The following TET2 variants were observed in gnomAD, a reference collection of about 807,000 sequenced individuals.
TET2 encodes methylcytosine dioxygenase TET2.
Under a neutral mutation model 142.9 loss-of-function variants are expected in TET2, and 299 were observed. The ratio of observed to expected loss-of-function variants is 2.09; its 90% CI spans 1.90 to 2.30. The LOEUF (loss-of-function observed/expected upper bound fraction) is 2.30. Ranked by LOEUF, TET2 falls within the 30% of genes most tolerant of loss-of-function variation. The pLI, the probability that TET2 is intolerant of heterozygous loss-of-function variation, is 0.00. For missense variants in TET2, 2,418 were observed against 2,378.0 expected (o/e 1.02, Z -0.35); for synonymous variants, 819 against 849.0 (o/e 0.96, Z 0.61).
Position 105,243,743 on chromosome 4 carries a change from C to A in TET2, c.3768C>A (p.Gly1256=). The A allele has an allele frequency of 6.4e-7, 1 of 1,551,530 alleles. No homozygotes were observed. Among genetic ancestry groups the A allele is most frequent in the Non-Finnish European group, 8.7e-7 (1 of 1,146,936 alleles). Residue 1256 remains glycine (G), a synonymous_variant, in exon 6 of 11, where the codon GGC becomes GGA. Coordinates refer to ENST00000380013, the MANE Select transcript of TET2 (RefSeq NM_001127208.3). ...SELTETLRKY[G]TLTNRRCALN... ...TTACCGAGACGCTGAGGAAATACGG[C>A]ACGCTCACCAATCGCCGGTGTGCCT...
rs751730951 is a variant in TET2, at chr4:105,276,979, A to G, written c.*460A>G. On this transcript the variant is annotated 3_prime_UTR_variant, in exon 11 of 11. Transcript: ENST00000380013. ...TAAAATACCATCTGGTGCTGAATAT[A>G]TGATGTACTGAAATACTGGAATTAT... The G allele has an allele frequency of 9.4e-5, 22 of 235,122 alleles. No individual in the cohort carries two copies. Among genetic ancestry groups the G allele is most frequent in the Non-Finnish European group, 1.6e-4 (19 of 119,618 alleles). The allele number at this position is 235,122 out of a possible 1,614,324, so 14.6% of individuals were successfully genotyped here. A position where few individuals can be genotyped will look rare whatever the true frequency, so the allele number is the denominator to read the frequency against.
intron 2 of TET2, among the ~76,000 whole-genome samples, chr4:105,201,634 A>T (rs1319232567): frequency 2.0e-5 from 3 of 151,580 alleles, no homozygotes. Context: ...TACTAAGCAA[A>T]GTATAAAGTA....
In TET2 at chr4:105,236,438, TTC is replaced by T; in HGVS notation, c.2498_2499del (p.Ser833LeufsTer12). ...AATCAAGTGCATGCAAAATACAGGT[TTC>T]TTGTTCAAACAATACACACCTAGTT... ...MKSSACKIQV[S>X]CSNNTHLVSE... On this transcript the variant is annotated frameshift_variant, in exon 3 of 11. Transcript: ENST00000380013. LOFTEE classifies it high-confidence loss of function. The T allele has an allele frequency of 6.2e-7, 1 of 1,614,090 alleles. No individual in the cohort carries two copies. The highest frequency in any genetic ancestry group is 8.5e-7 in the Non-Finnish European group (1 of 1,180,004).
chr4:105,151,643 T>C (rs756136719), intron 1 of TET2, among the ~76,000 whole-genome samples: 3 of 152,016 alleles, frequency 2.0e-5, no homozygotes, highest in Non-Finnish European at 4.4e-5. Context: ...TAGACCAGCC[T>C]GGGCAACATA....
chr4:105,231,290 A>T (rs1270865845), intron 2 of TET2, among the ~76,000 whole-genome samples: 2 of 152,182 alleles, frequency 1.3e-5, no homozygotes, highest in Non-Finnish European at 2.9e-5. Flanking sequence ...GTAAGAGTAT[A>T]TTAAGTGAAT....
At chr4:105,260,319 T>C (rs1460308899) in intron 7 of TET2, among the ~76,000 whole-genome samples, 5 of 152,280 alleles carry the variant, frequency 3.3e-5, no homozygotes. Context: ...TTCTTATAAT[T>C]TGCAAATTGA....
At chr4:105,192,020 C>G (rs1008093764) in intron 2 of TET2, among the ~76,000 whole-genome samples, 3 of 152,082 alleles carry the variant, frequency 2.0e-5, no homozygotes, top group Non-Finnish European at 4.4e-5. Flanking sequence ...TTACCTCACT[C>G]TGTGAGAACT....
Position 105,276,431 on chromosome 4 carries a change from G to A in TET2, c.5921G>A (p.Arg1974Lys), listed in dbSNP as rs1406914931. The A allele has an allele frequency of 1.3e-6, 2 of 1,551,786 alleles. No homozygotes were observed. The highest frequency in any genetic ancestry group is 2.7e-5 in the African/African-American group (2 of 73,022). The change falls in exon 11 of 11, where the codon AGG becomes AAG. Residue 1974 changes from arginine (R) to lysine (K), a missense_variant. Physicochemically the swap from Arg to Lys is conservative, Grantham distance 26 (BLOSUM62 2). Coordinates refer to ENST00000380013, the MANE Select transcript of TET2 (RefSeq NM_001127208.3). ...CGTTTCATCAAGTCTCTTGCCGAAA[G>A]GACCATGTCCGTGACCACAGACTCC... ...YLRFIKSLAE[R>K]TMSVTTDSTV...
rs1287353105 is a variant in TET2, at chr4:105,236,849, A to G, written c.2907A>G (p.Gln969=). ...KQEQQQTQQP[Q]TESCHSQMHR... is the part of the protein sequence containing the mutation. Reference sequence around the variant, plus strand: ...AACAGCAGCAAACACAGCAACCCCAAACTGAGTCTTGCCATAGTCAGATGC... The same window carrying G: ...AACAGCAGCAAACACAGCAACCCCAGACTGAGTCTTGCCATAGTCAGATGC... Residue 969 remains glutamine, a synonymous_variant, in exon 3 of 11, where the codon CAA becomes CAG. Transcript: ENST00000380013. 2 of 1,614,128 alleles carry G rather than the reference A, an allele frequency of 1.2e-6. No individual in the cohort carries two copies. The highest frequency in any genetic ancestry group is 4.5e-5 in the East Asian group (2 of 44,886).
chr4:105,242,336 A>G, intron 4 of TET2: 2 of 1,078,014 alleles, frequency 1.9e-6, no homozygotes, highest in Non-Finnish European at 2.3e-6. Flanking sequence ...AAGGGAAGAT[A>G]TAGTCTATTT....
intron 2 of TET2, among the ~76,000 whole-genome samples, chr4:105,233,633 C>T (rs1000961771): frequency 1.3e-5 from 2 of 152,148 alleles, no homozygotes; most frequent in African/African-American, 4.8e-5. Flanking sequence ...AGAGTATGAA[C>T]TTCCCACATT....
intron 1 of TET2, among the ~76,000 whole-genome samples, chr4:105,188,014 C>G (rs1578583889): frequency 6.6e-6 from 1 of 152,192 alleles, no homozygotes; most frequent in African/African-American, 2.4e-5. Context: ...GGATTCCACT[C>G]TCAAGAGAAT....
chr4:105,193,065 A>G (rs1454644933), intron 2 of TET2, among the ~76,000 whole-genome samples: 1 of 152,202 alleles, frequency 6.6e-6, no homozygotes, highest in Non-Finnish European at 1.5e-5. Context: ...ACACTTAAGT[A>G]AGTGATATGG....
intron 5 of TET2, among the ~76,000 whole-genome samples, 176 bp from the exon 6 acceptor site, chr4:105,243,394 C>T (rs1393886915): frequency 6.6e-6 from 1 of 152,112 alleles, no homozygotes; most frequent in East Asian, 1.9e-4. Context: ...GGTCAAAGCC[C>T]ACTTTTTATA....
In TET2 at chr4:105,276,063, G is replaced by GC; in HGVS notation, c.5554dup (p.Gln1852ProfsTer7). 6.4e-7 allele frequency: 1 copy of GC among 1,551,718 alleles called. No homozygotes were observed. Among genetic ancestry groups the GC allele is most frequent in the Non-Finnish European group, 8.7e-7 (1 of 1,146,974 alleles). Reference sequence around the variant, plus strand: ...ACGATGAGGTCTGGTCAGACAGCGAGCAGAGCTTTCTGGATCCTGACATTG... The same window carrying GC: ...ACGATGAGGTCTGGTCAGACAGCGAGCCAGAGCTTTCTGGATCCTGACATTG... On this transcript the variant is annotated frameshift_variant, in exon 11 of 11. Transcript: ENST00000380013. LOFTEE classifies it high-confidence loss of function.
intron 6 of TET2, among the ~76,000 whole-genome samples, chr4:105,250,235 C>T (rs1729795375): frequency 6.6e-6 from 1 of 152,068 alleles, no homozygotes; most frequent in Non-Finnish European, 1.5e-5. Flanking sequence ...TTTCTTATGC[C>T]AGTACCACAC....
In TET2 at chr4:105,272,798, A is replaced by T; in HGVS notation, c.4417A>T (p.Lys1473Ter). 6.4e-7 allele frequency: 1 copy of T among 1,551,700 alleles called. No individual in the cohort carries two copies. The highest frequency in any genetic ancestry group is 8.7e-7 in the Non-Finnish European group (1 of 1,146,986). Residue 1473 changes from lysine (K) to a stop codon, truncating the protein, a stop_gained, in exon 10 of 11, where the codon AAA becomes TAA. Coordinates refer to ENST00000380013, the MANE Select transcript of TET2 (RefSeq NM_001127208.3). LOFTEE classifies it high-confidence loss of function. ...CCGACAAAGGAAACTAGAAGCCAAG[A>T]AAGCTGCAGCTGAAAAGCTTTCCTC... is the stretch of plus-strand genomic sequence containing the variant. ...TCRQRKLEAK[K>*]AAAEKLSSLE...
intron 2 of TET2, among the ~76,000 whole-genome samples, chr4:105,193,491 A>G (rs1400909549): frequency 6.6e-6 from 1 of 152,172 alleles, no homozygotes; most frequent in Non-Finnish European, 1.5e-5. Context: ...ATTTAGCTAT[A>G]TCATTATTTT....
At chr4:105,193,212 A>G (rs1194560212) in intron 2 of TET2, among the ~76,000 whole-genome samples, 1 of 152,138 alleles carries the variant, frequency 6.6e-6, no homozygotes, top group East Asian at 1.9e-4. Context: ...ATGACATCCC[A>G]GTGGAGAGAA....
Sources: gnomAD v4.1 joint callset for allele counts (sites outside exome capture counted in the v4.1 genomes callset) on GRCh38, gnomAD v4.1.1 for gene constraint, MANE v1.5 for transcripts, NCBI Gene and HGNC (gene_info 2026-07-23, HGNC 2026-07-21) for gene names.